Variants in COL22A1 observed in about 807,000 individuals in gnomAD.
COL22A1 encodes collagen alpha-1(XXII) chain.
In COL22A1, 221 loss-of-function variants were observed where a neutral mutation model predicts 248.9. The observed-to-expected ratio is 0.89, with a 90% CI of 0.80 to 0.99. The LOEUF is 0.99. COL22A1 is among the 50% of genes least tolerant of loss of function. The probability of loss-of-function intolerance (pLI) is 0.00; values close to 1 mark genes in which losing one functional copy is unlikely to be tolerated. For synonymous variants in COL22A1, 891 were observed against 793.4 expected, an observed-to-expected ratio of 1.12 and a Z score of -2.07; for missense variants, 2,240 against 2,179.0, an observed-to-expected ratio of 1.03 and a Z score of -0.56.
chr8:138,725,334 G>A (rs1586579414), intron 24 of COL22A1, 53 bp downstream of exon 24: 1 of 1,570,668 alleles, frequency 6.4e-7, no homozygotes, highest in East Asian at 2.2e-5. Flanking sequence ...AGGTCCCACA[G>A]GCCAGGAAAC....
chr8:138,611,362 T>A (rs149275103), intron 56 of COL22A1, among the ~76,000 whole-genome samples: 1 of 152,282 alleles, frequency 6.6e-6, no homozygotes, highest in African/African-American at 2.4e-5. Flanking sequence ...ACTCACCTAG[T>A]TCATGTGATG....
intron 22 of COL22A1, among the ~76,000 whole-genome samples, chr8:138,740,521 G>C (rs763648976): frequency 6.6e-6 from 1 of 152,174 alleles, no homozygotes; most frequent in African/African-American, 2.4e-5. Context: ...TCATGCTCAG[G>C]AAGGTGAACA....
At chr8:138,630,818 G>T (rs913429531) in intron 49 of COL22A1, 70 bp from the exon 50 acceptor site, 5 of 1,317,200 alleles carry the variant, frequency 3.8e-6, no homozygotes, top group East Asian at 4.6e-5. Flanking sequence ...CCTCTGCTTT[G>T]AATACAAAGC....
intron 21 of COL22A1, among the ~76,000 whole-genome samples, chr8:138,752,102 G>A (rs1439382749): frequency 2.0e-5 from 3 of 152,150 alleles, no homozygotes; most frequent in South Asian, 2.1e-4. Context: ...GTTAAACCTC[G>A]GTTATCTCAT....
Position 138,725,373 on chromosome 8 carries a change from A to AT in COL22A1, c.2193+13_2193+14insA, listed in dbSNP as rs769234341. On this transcript the variant is annotated intron_variant, in intron 24 of 64. Transcript: ENST00000303045. ...CATCTAAGAGCCCCTGTAGAAAATC[A>AT]AAGCCAGTCTTACCGGAGAACCTCC... is the stretch of plus-strand genomic sequence containing the variant. The AT allele has an allele frequency of 1.2e-5, 19 of 1,613,814 alleles. No homozygotes were observed. In the African/African-American group the frequency reaches 2.4e-4, roughly 20 times the overall value.
intron 41 of COL22A1, among the ~76,000 whole-genome samples, chr8:138,673,204 C>A (rs1032982815): frequency 2.2e-5 from 3 of 137,600 alleles, no homozygotes; most frequent in Non-Finnish European, 4.7e-5. Context: ...TTACTTACAG[C>A]CGATCTATTT....
chr8:138,649,642 C>A, intron 46 of COL22A1, 23 bp downstream of exon 46: 1 of 1,602,450 alleles, frequency 6.2e-7, no homozygotes, highest in Non-Finnish European at 8.5e-7. Context: ...TGATAAAAAT[C>A]GAGTTTCCCC....
intron 56 of COL22A1, among the ~76,000 whole-genome samples, chr8:138,609,904 C>T (rs1167133302): frequency 1.3e-5 from 2 of 152,094 alleles, no homozygotes; most frequent in Non-Finnish European, 2.9e-5. Flanking sequence ...CCTGCTGTCC[C>T]TCGCCAAGCC....
At chr8:138,601,618 C>T (rs75162222) in intron 60 of COL22A1, among the ~76,000 whole-genome samples, 2 of 152,198 alleles carry the variant, frequency 1.3e-5, no homozygotes, top group African/African-American at 2.4e-5. Context: ...AAAAAAAAGT[C>T]TTTTCCCCTC....
intron 29 of COL22A1, 89 bp downstream of exon 29, chr8:138,716,138 G>C: frequency 2.0e-6 from 2 of 1,005,240 alleles, no homozygotes; most frequent in South Asian, 1.5e-5. Flanking sequence ...AATTATGACT[G>C]TCCCGAGGGA....
chr8:138,692,101 C>T (rs75610171), intron 35 of COL22A1, among the ~76,000 whole-genome samples: 18 of 11,820 alleles, frequency 1.5e-3, no homozygotes, highest in African/African-American at 2.9e-3. Flanking sequence ...CATGTGTACA[C>T]GTTTGTGGAG....
intron 4 of COL22A1, among the ~76,000 whole-genome samples, chr8:138,838,418 C>T (rs1459850100): frequency 6.6e-6 from 1 of 152,056 alleles, no homozygotes; most frequent in African/African-American, 2.4e-5. Context: ...AAGTCAGGGC[C>T]GGGAACTGCA....
Position 138,738,458 on chromosome 8 carries a change from C to A in COL22A1, c.2086-881G>T, listed in dbSNP as rs148993626. Among the ~76,000 whole-genome samples the A allele has an allele frequency of 1.1e-4, 17 of 152,272 alleles. No individual in the cohort carries two copies. The East Asian group carries it at 3.3e-3, about 29-fold the overall frequency. Reference sequence around the variant, plus strand: ...CTTGATTAAATAAAAGCACTACAATCAAGAATTGAAAGTAAAATAAGACCT... The same window carrying A: ...CTTGATTAAATAAAAGCACTACAATAAAGAATTGAAAGTAAAATAAGACCT... On this transcript the variant is annotated intron_variant, in intron 22 of 64. Transcript: ENST00000303045.
chr8:138,863,297 C>G (rs1439762518), intron 3 of COL22A1, among the ~76,000 whole-genome samples: 2 of 152,174 alleles, frequency 1.3e-5, no homozygotes, highest in African/African-American at 2.4e-5. Context: ...GCACGTTGCA[C>G]AGGCCGGTTG....
chr8:138,880,462 T>A (rs935226569), intron 2 of COL22A1, among the ~76,000 whole-genome samples: 1 of 152,354 alleles, frequency 6.6e-6, no homozygotes, highest in Admixed American at 6.5e-5. Context: ...TTTTTGCTCT[T>A]ATATTTGCAA....
chr8:138,712,457 C>G (rs1008923571), intron 30 of COL22A1, among the ~76,000 whole-genome samples: 1 of 152,134 alleles, frequency 6.6e-6, no homozygotes, highest in East Asian at 1.9e-4. Flanking sequence ...GCCTGTACCC[C>G]CTTTAGAGCC....
At chr8:138,693,771 G>A in intron 34 of COL22A1, 72 bp from the exon 35 acceptor site, 1 of 1,480,618 alleles carries the variant, frequency 6.8e-7, no homozygotes, top group Non-Finnish European at 9.2e-7. Context: ...CAGCAGGGAG[G>A]TCTCGGGAAT....
chr8:138,683,476 T>C (rs1324489138), intron 39 of COL22A1, among the ~76,000 whole-genome samples: 1 of 152,180 alleles, frequency 6.6e-6, no homozygotes, highest in African/African-American at 2.4e-5. Context: ...TTAGCAAGCA[T>C]TTCTCTTTTC....
At position 138,694,515 on chromosome 8, in the gene COL22A1, C is replaced by T; in HGVS notation, c.2693G>A (p.Gly898Glu). 9 of 1,614,010 alleles carry T rather than the reference C, an allele frequency of 5.6e-6. No homozygotes were observed. The highest frequency in any genetic ancestry group is 7.6e-6 in the Non-Finnish European group (9 of 1,179,928). ...AAGGGATGGTTTTCTTACCGGTGGT[C>T]CAGTGGGTCCCTGAGGCCCCAATTC... ...PGELGPQGPT[G>E]PPGAKGQEGA... Residue 898 changes from glycine to glutamate, a missense_variant, in exon 34 of 65, where the codon GGA becomes GAA. By Grantham distance (98) the Gly-to-Glu change is moderately conservative (BLOSUM62 -2). Coordinates refer to ENST00000303045, the MANE Select transcript of COL22A1 (RefSeq NM_152888.3).
Sources: allele counts gnomAD v4.1 joint callset (sites outside exome capture counted in the v4.1 genomes callset), GRCh38; gene constraint gnomAD v4.1.1; transcripts MANE v1.5; gene names NCBI Gene and HGNC (gene_info 2026-07-23, HGNC 2026-07-21).